The following ADCY8 variants were observed in gnomAD, a reference collection of about 807,000 sequenced individuals.
ADCY8 encodes the protein adenylate cyclase 8.
A neutral mutation model predicts 119.7 loss-of-function variants in ADCY8; 51 were observed. The ratio of observed to expected loss-of-function variants is 0.43; its 90% CI spans 0.34 to 0.54. The LOEUF (loss-of-function observed/expected upper bound fraction) is 0.54, where lower values mean the gene tolerates loss of function less well. Ranked by LOEUF, ADCY8 falls within the 20% of genes least tolerant of loss-of-function variation. The pLI is 0.03. For missense variants in ADCY8, 1,383 were observed against 1,598.8 expected (o/e 0.87, Z 2.30); for synonymous variants, 665 against 651.0 (o/e 1.02, Z -0.33).
chr8:130,797,193 A>G (rs974646063), intron 15 of ADCY8, among the ~76,000 whole-genome samples: 1 of 152,196 alleles, frequency 6.6e-6, no homozygotes, highest in Non-Finnish European at 1.5e-5. Flanking sequence ...GGCCCAACAC[A>G]AATTTGTAAA....
intron 1 of ADCY8, among the ~76,000 whole-genome samples, chr8:130,994,667 AT>A (rs1822710074): frequency 1.3e-5 from 2 of 152,158 alleles, no homozygotes; most frequent in Admixed American, 6.6e-5. Flanking sequence ...AATCTCTCGT[AT>A]TGCTTAGTTT....
intron 1 of ADCY8, among the ~76,000 whole-genome samples, chr8:131,021,937 C>A (rs901754207): frequency 7.9e-5 from 12 of 152,080 alleles, no homozygotes; most frequent in African/African-American, 2.7e-4. Flanking sequence ...TATGCAAAAA[C>A]AATTTAGGGT....
rs148034581 is a variant in ADCY8 at position 130,929,568 on chromosome 8, G to A, written c.1481+7505C>T. ...ATGTCCTAACATATGAGCTATCCTC[G>A]AGAATCTTTCATGTGAAATTGAGAA... On this transcript the variant is annotated intron_variant, in intron 5 of 17. Coordinates refer to ENST00000286355, the MANE Select transcript of ADCY8 (RefSeq NM_001115.3). Among the ~76,000 whole-genome samples the A allele has an allele frequency of 6.7e-4, 102 of 152,204 alleles. 1 individual carries two copies. In the Middle Eastern group the frequency reaches 0.017, roughly 25 times the overall value.
intron 2 of ADCY8, among the ~76,000 whole-genome samples, chr8:130,954,135 C>T (rs545813964): frequency 4.1e-4 from 62 of 152,308 alleles, no homozygotes; most frequent in African/African-American, 1.4e-3. Context: ...CAGGACCCCA[C>T]GGTCAGTTTG....
chr8:130,950,931 C>T (rs1821250037), intron 3 of ADCY8, among the ~76,000 whole-genome samples: 1 of 152,152 alleles, frequency 6.6e-6, no homozygotes, highest in African/African-American at 2.4e-5. Flanking sequence ...ATCTCTTGAC[C>T]TCGTGATCCG....
chr8:131,022,129 T>G (rs1291860963), intron 1 of ADCY8, among the ~76,000 whole-genome samples: 1 of 152,174 alleles, frequency 6.6e-6, no homozygotes, highest in African/African-American at 2.4e-5. Flanking sequence ...TCTGTTTTTT[T>G]TATTATTATT....
chr8:130,835,400 C>T (rs977249751), intron 12 of ADCY8, among the ~76,000 whole-genome samples: 2 of 152,154 alleles, frequency 1.3e-5, no homozygotes, highest in South Asian at 2.1e-4. Flanking sequence ...AATGGCTCTG[C>T]GAGTGGATTT....
At chr8:130,995,409 C>A (rs1822742870) in intron 1 of ADCY8, among the ~76,000 whole-genome samples, 1 of 152,134 alleles carries the variant, frequency 6.6e-6, no homozygotes, top group Admixed American at 6.5e-5. Context: ...TTTTTAAACT[C>A]TACCTTTTTG....
intron 3 of ADCY8, among the ~76,000 whole-genome samples, chr8:130,946,660 T>C (rs1002711086): frequency 6.6e-6 from 1 of 152,168 alleles, no homozygotes; most frequent in South Asian, 2.1e-4. Flanking sequence ...AGAACAAGAA[T>C]GAAGTCACCT....
At chr8:130,913,242 T>C (rs1820032213) in intron 5 of ADCY8, among the ~76,000 whole-genome samples, 1 of 152,188 alleles carries the variant, frequency 6.6e-6, no homozygotes, top group Non-Finnish European at 1.5e-5. Flanking sequence ...AATCAAGTTA[T>C]TATTGACTAT....
At chr8:130,885,810 C>T (rs1363610611) in intron 7 of ADCY8, among the ~76,000 whole-genome samples, 1 of 152,090 alleles carries the variant, frequency 6.6e-6, no homozygotes, top group African/African-American at 2.4e-5. Context: ...TGCCTTTATA[C>T]ACACTCACTG....
intron 7 of ADCY8, among the ~76,000 whole-genome samples, chr8:130,899,953 C>T (rs1241698761): frequency 1.3e-5 from 2 of 152,166 alleles, no homozygotes; most frequent in Non-Finnish European, 2.9e-5. Context: ...TCAATCATCT[C>T]CTTCTACTTT....
intron 1 of ADCY8, among the ~76,000 whole-genome samples, chr8:131,021,178 A>G (rs1019299830): frequency 6.6e-6 from 1 of 152,204 alleles, no homozygotes; most frequent in Non-Finnish European, 1.5e-5. Flanking sequence ...GAGAACTAAA[A>G]CAAAAGTAGA....
intron 1 of ADCY8, among the ~76,000 whole-genome samples, chr8:131,037,196 C>T (rs904854200): frequency 6.6e-6 from 1 of 152,088 alleles, no homozygotes; most frequent in Non-Finnish European, 1.5e-5. Flanking sequence ...CCTATGAAAT[C>T]GTAGTTTATC....
At chr8:130,922,145 T>C (rs1820327456) in intron 5 of ADCY8, among the ~76,000 whole-genome samples, 1 of 151,872 alleles carries the variant, frequency 6.6e-6, no homozygotes, top group Non-Finnish European at 1.5e-5. Flanking sequence ...AGTCTCTCAC[T>C]AGATATGGTC....
chr8:130,874,326 T>A (rs1818478096), intron 8 of ADCY8, among the ~76,000 whole-genome samples: 1 of 56,108 alleles, frequency 1.8e-5, no homozygotes, highest in South Asian at 5.4e-4. Context: ...AATAAATAAA[T>A]AAATAAATAA....
intron 5 of ADCY8, among the ~76,000 whole-genome samples, chr8:130,915,038 CCCCCTA>C (rs1820086159): frequency 6.6e-6 from 1 of 152,174 alleles, no homozygotes; most frequent in African/African-American, 2.4e-5. Flanking sequence ...GAGGGGATAA[CCCCCTA>C]AACCTCCTCC....
At chr8:130,981,992 C>T (rs1007340865) in intron 2 of ADCY8, among the ~76,000 whole-genome samples, 1 of 152,208 alleles carries the variant, frequency 6.6e-6, no homozygotes, top group Non-Finnish European at 1.5e-5. Context: ...GGTGTACACA[C>T]AGTCACCCAG....
At chr8:130,925,076 G>A (rs940615389) in intron 5 of ADCY8, among the ~76,000 whole-genome samples, 1 of 151,666 alleles carries the variant, frequency 6.6e-6, no homozygotes, top group Non-Finnish European at 1.5e-5. Flanking sequence ...CTGGTGGCAT[G>A]CGCCTGTAGT....
Sources: allele counts gnomAD v4.1 joint callset (sites outside exome capture counted in the v4.1 genomes callset), GRCh38; gene constraint gnomAD v4.1.1; transcripts MANE v1.5; gene names NCBI Gene and HGNC (gene_info 2026-07-23, HGNC 2026-07-21).